Variants in ZNF12 observed in about 807,000 individuals in gnomAD.
ZNF12 encodes zinc finger protein 12.
ZNF12 carries 34 observed loss-of-function variants against 66.6 expected under a neutral mutation model. That is an observed-to-expected ratio of 0.51 (90% CI 0.39 to 0.68). The LOEUF (loss-of-function observed/expected upper bound fraction) is 0.68. Among genes scored for constraint, ZNF12 ranks in the 30% least tolerant of loss-of-function variants. The pLI is 0.00. For missense variants in ZNF12, 697 were observed against 826.9 expected (o/e 0.84, Z 1.93); for synonymous variants, 320 against 278.9 (o/e 1.15, Z -1.47).
intron 2 of ZNF12, among the ~76,000 whole-genome samples, chr7:6,700,239 C>T (rs1278475783): frequency 5.4e-5 from 8 of 148,646 alleles, no homozygotes; most frequent in East Asian, 2.0e-4. Flanking sequence ...GAGCCGAGAT[C>T]GAGCCACTGT....
chr7:6,701,938 G>T (rs1226596755), intron 2 of ZNF12, among the ~76,000 whole-genome samples: 22 of 136,482 alleles, frequency 1.6e-4, no homozygotes, highest in Non-Finnish European at 9.1e-5. Context: ...TTTTCCTTTA[G>T]GGCAAAATTT....
At position 6,706,429 on chromosome 7, in the gene ZNF12, T is replaced by C. The variant is rs982374504; in HGVS notation, c.-51+3A>G. On this transcript the variant is annotated splice_donor_region_variant and intron_variant, in intron 1 of 4. Transcript: ENST00000405858. ...GCCCCGGGCCCGCAAACCCACGACT[T>C]ACCCTCCTGGGGCTCCGCAGCCTCT... The C allele has an allele frequency of 1.1e-5, 5 of 475,422 alleles. No individual in the cohort carries two copies. Among genetic ancestry groups the C allele is most frequent in the Non-Finnish European group, 1.7e-5 (4 of 238,956 alleles). The allele number at this position is 475,422 out of a possible 1,614,324, so 29.5% of individuals were successfully genotyped here.
chr7:6,690,909 C>T lies in ZNF12; in HGVS notation c.2033G>A (p.Ser678Asn). The change falls in exon 5 of 5, where the codon AGC becomes AAC. Residue 678 changes from serine (S) to asparagine (N), a missense_variant. By Grantham distance (46) the Ser-to-Asn change is conservative (BLOSUM62 1). Around this residue, in one of 3 missense-constraint regions of ZNF12, gnomAD observed 401 missense variants for 519.0 expected, o/e 0.77. Transcript: ENST00000405858. ...GCCTCTCCTATGAATTCTCTGATGGCTGTTGAATGCTGATTTGTGGTAGAA... is the reference window on the plus strand; with the variant it reads ...GCCTCTCCTATGAATTCTCTGATGGTTGTTGAATGCTGATTTGTGGTAGAA... The part of the protein sequence containing the change: ...KKFYHKSAFN[S>N]HQRIHRRGNM... The T allele has an allele frequency of 6.2e-7, 1 of 1,613,992 alleles. No individual in the cohort carries two copies. Among genetic ancestry groups the T allele is most frequent in the Non-Finnish European group, 8.5e-7 (1 of 1,179,928 alleles).
rs762310934 is a variant in ZNF12, at chr7:6,706,465, T to C, written c.-84A>G. 4.2e-6 allele frequency: 2 copies of C among 478,114 alleles called. No individual in the cohort carries two copies. The highest frequency in any genetic ancestry group is 8.3e-6 in the Non-Finnish European group (2 of 240,500). 29.6% of individuals were successfully genotyped at this position (478,114 alleles called of 1,614,324 possible). ...GGCTCCGCAGCCTCTGCCCCACCGCTCCCGACAGGCCGGGGCGGGATTGCT... is the reference window on the plus strand; with the variant it reads ...GGCTCCGCAGCCTCTGCCCCACCGCCCCCGACAGGCCGGGGCGGGATTGCT... On this transcript the variant is annotated 5_prime_UTR_variant, in exon 1 of 5. Coordinates refer to ENST00000405858, the MANE Select transcript of ZNF12 (RefSeq NM_016265.4).
At chr7:6,702,032 T>C (rs1780252613) in intron 2 of ZNF12, among the ~76,000 whole-genome samples, 1 of 151,820 alleles carries the variant, frequency 6.6e-6, no homozygotes, top group South Asian at 2.1e-4. Context: ...CAATCAGGAT[T>C]TCCCTTACAG....
rs376090844 is a variant in ZNF12, at chr7:6,701,819, C to G, written c.15+3340G>C. Among the ~76,000 whole-genome samples the G allele has an allele frequency of 1.2e-3, 179 of 152,234 alleles. No individual in the cohort carries two copies. In the South Asian group the frequency reaches 0.013, roughly 11 times the overall value. ...CTCACTCCATGGGCAACAACTATTT[C>G]TCATTCTCGACAGAATCACCCCACT... On this transcript the variant is annotated intron_variant, in intron 2 of 4. Transcript: ENST00000405858.
intron 2 of ZNF12, chr7:6,704,422 T>C (rs1297714702): frequency 1.3e-5 from 2 of 151,044 alleles, no homozygotes; most frequent in African/African-American, 4.9e-5. Context: ...GAGACAACAA[T>C]GTTTTAGTTA....
At position 6,703,004 on chromosome 7, in the gene ZNF12, AT is replaced by A. The variant is rs1193492121; in HGVS notation, c.15+2154del. Among the ~76,000 whole-genome samples, 3 of 142,100 alleles carry A rather than the reference AT, an allele frequency of 2.1e-5. No homozygotes were observed. In the South Asian group the frequency reaches 6.8e-4, roughly 32 times the overall value. The allele number at this position is 142,100 out of a possible 152,430, so 93.2% of individuals were successfully genotyped here. A position where few individuals can be genotyped will look rare whatever the true frequency, so the allele number is the denominator to read the frequency against. On this transcript the variant is annotated intron_variant, in intron 2 of 4. Transcript: ENST00000405858. ...ACCTGCCTTCTTGATGCTGCCACTCATTGCATACTAACACAGCTAACACAGC... is the reference window on the plus strand; with the variant it reads ...ACCTGCCTTCTTGATGCTGCCACTCATGCATACTAACACAGCTAACACAGC...
rs1390180716 is a variant in ZNF12, at chr7:6,696,299, C to T, written c.238+1040G>A. Among the ~76,000 whole-genome samples the T allele has an allele frequency of 6.6e-6, 1 of 151,126 alleles. No individual in the cohort carries two copies. The highest frequency in any genetic ancestry group is 1.5e-5 in the Non-Finnish European group (1 of 67,508). ...TCTGATGAGAATTTCAGTGGTTTCA[C>T]AGGGACCACTATAGAAGAAGAAGAG... On this transcript the variant is annotated intron_variant, in intron 4 of 4. Transcript: ENST00000405858. The surrounding 1 kb of genome is among the most constrained non-coding windows in gnomAD (Gnocchi z 4.0).
At position 6,697,344 on chromosome 7, in the gene ZNF12, T is replaced by C; in HGVS notation, c.233A>G (p.Tyr78Cys). 6.2e-7 allele frequency: 1 copy of C among 1,606,650 alleles called. No homozygotes were observed. The highest frequency in any genetic ancestry group is 8.5e-7 in the Non-Finnish European group (1 of 1,176,360). ...IVEGEFLLQSYPDEVWQTDDL... is the reference protein window; with the variant it reads ...IVEGEFLLQSCPDEVWQTDDL... ...CACTGCCTCCACTAACACACCTGGATAGCTCTGAAGTAGGAATTCTCCTTC... is the reference window on the plus strand; with the variant it reads ...CACTGCCTCCACTAACACACCTGGACAGCTCTGAAGTAGGAATTCTCCTTC... The change falls in exon 4 of 5, where the codon TAT (tyrosine) becomes TGT (cysteine). Residue 78 changes from tyrosine to cysteine, a missense_variant. Physicochemically the swap from Tyr to Cys is radical, Grantham distance 194 (BLOSUM62 -2). Transcript: ENST00000405858. The surrounding 1 kb of genome is among the most constrained non-coding windows in gnomAD (Gnocchi z 6.1).
chr7:6,698,882 A>C lies in ZNF12; in HGVS notation c.16-1071T>G, dbSNP rs374554108. Among the ~76,000 whole-genome samples, 1 of 152,210 alleles carries C rather than the reference A, an allele frequency of 6.6e-6. No individual in the cohort carries two copies. The highest frequency in any genetic ancestry group is 2.4e-5 in the African/African-American group (1 of 41,462). On this transcript the variant is annotated intron_variant, in intron 2 of 4. Coordinates refer to ENST00000405858, the MANE Select transcript of ZNF12 (RefSeq NM_016265.4). The surrounding 1 kb of genome is among the most constrained non-coding windows in gnomAD (Gnocchi z 4.4). ...CTTTAATATCATCCCCTCTAAAATA[A>C]AGAGAATAATGCTACCTATACATAA...
Position 6,697,908 on chromosome 7 carries a change from T to C in ZNF12, c.16-97A>G, listed in dbSNP as rs1562600504. On this transcript the variant is annotated intron_variant, in intron 2 of 4. Transcript: ENST00000405858. This position sits in a 1 kb window ranked among gnomAD's most constrained non-coding sequence, Gnocchi z 6.1. ...CTGGCAAAATTAACCATGAACACTG[T>C]ATACCTTTATTTTATGTTACAGACT... is the stretch of plus-strand genomic sequence containing the variant. 4.6e-6 allele frequency: 6 copies of C among 1,304,880 alleles called. No individual in the cohort carries two copies. Among genetic ancestry groups the C allele is most frequent in the Non-Finnish European group, 6.6e-6 (6 of 903,278 alleles). 80.8% of individuals were successfully genotyped at this position (1,304,880 alleles called of 1,614,324 possible).
Position 6,697,196 on chromosome 7 carries a change from A to C in ZNF12, c.238+143T>G, listed in dbSNP as rs959079128. 2.7e-5 allele frequency: 15 copies of C among 548,326 alleles called. No homozygotes were observed. Among genetic ancestry groups the C allele is most frequent in the Non-Finnish European group, 4.4e-5 (14 of 320,808 alleles). 34.0% of individuals were successfully genotyped at this position (548,326 alleles called of 1,614,324 possible). On this transcript the variant is annotated intron_variant, in intron 4 of 4. Transcript: ENST00000405858. The surrounding 1 kb of genome is among the most constrained non-coding windows in gnomAD (Gnocchi z 6.1). ...AAACATAAGTTCTTACGGGGAAGGA[A>C]GAAGTCTTTGGGAGTGAGATTCAGG...
intron 2 of ZNF12, among the ~76,000 whole-genome samples, chr7:6,702,082 T>G (rs1780253355): frequency 6.6e-6 from 1 of 152,076 alleles, no homozygotes. Context: ...TGACCTCCCC[T>G]GAGCTAAATC....
rs118191125 is a variant in ZNF12, at chr7:6,705,114, T to C, written c.15+45A>G. Reference sequence around the variant, plus strand: ...ACCCTTAATCTCCTCCTAAGGTGTATTGTAAATCAGAGTAGAGAATAAATA... The same window carrying C: ...ACCCTTAATCTCCTCCTAAGGTGTACTGTAAATCAGAGTAGAGAATAAATA... On this transcript the variant is annotated intron_variant, in intron 2 of 4. Coordinates refer to ENST00000405858, the MANE Select transcript of ZNF12 (RefSeq NM_016265.4). This position sits in a 1 kb window ranked among gnomAD's most constrained non-coding sequence, Gnocchi z 4.0. 440 of 1,607,068 alleles carry C rather than the reference T, an allele frequency of 2.7e-4. 1 individual carries two copies. The Admixed American group carries it at 3.5e-3, about 13-fold the overall frequency.
At position 6,706,785 on chromosome 7, in the gene ZNF12, G is replaced by A. The variant is rs947660712; in HGVS notation, c.-404C>T. The A allele has an allele frequency of 4.4e-5, 11 of 249,902 alleles. No individual in the cohort carries two copies. The highest frequency in any genetic ancestry group is 7.9e-5 in the Non-Finnish European group (10 of 126,846). 15.5% of individuals were successfully genotyped at this position (249,902 alleles called of 1,614,324 possible). A position where few individuals can be genotyped will look rare whatever the true frequency, so the allele number is the denominator to read the frequency against. On this transcript the variant is annotated 5_prime_UTR_variant, in exon 1 of 5. Transcript: ENST00000405858. Reference sequence around the variant, plus strand: ...CCGGGGGTCGTGCTCGGGGATCCCCGCTTGAGCCTCCGCCTGGCCCGCACA... The same window carrying A: ...CCGGGGGTCGTGCTCGGGGATCCCCACTTGAGCCTCCGCCTGGCCCGCACA...
intron 2 of ZNF12, chr7:6,704,323 AAAAAG>A (rs1780311087): frequency 6.6e-6 from 1 of 151,490 alleles, no homozygotes; most frequent in Non-Finnish European, 1.5e-5. Flanking sequence ...TTTAAAAAAA[AAAAAG>A]AAAAGAAAAT....
In ZNF12 at chr7:6,705,342, C is replaced by G; in HGVS notation, c.-50-119G>C. The G allele has an allele frequency of 1.5e-6, 1 of 684,898 alleles. No individual in the cohort carries two copies. The allele number at this position is 684,898 out of a possible 1,614,324, so 42.4% of individuals were successfully genotyped here. A position where few individuals can be genotyped will look rare whatever the true frequency, so the allele number is the denominator to read the frequency against. ...AAGTACATCTTGTGGGAGACTGTCCCTTTAAGCCTTCAGAAGGGATTGGAA... is the reference window on the plus strand; with the variant it reads ...AAGTACATCTTGTGGGAGACTGTCCGTTTAAGCCTTCAGAAGGGATTGGAA... On this transcript the variant is annotated intron_variant, in intron 1 of 4. Coordinates refer to ENST00000405858, the MANE Select transcript of ZNF12 (RefSeq NM_016265.4). The surrounding 1 kb of genome is among the most constrained non-coding windows in gnomAD (Gnocchi z 4.0).
At chr7:6,701,460 C>T (rs1780241722) in intron 2 of ZNF12, among the ~76,000 whole-genome samples, 1 of 152,190 alleles carries the variant, frequency 6.6e-6, no homozygotes, top group Non-Finnish European at 1.5e-5. Flanking sequence ...GGCTGCTGCT[C>T]TAATCGCTTT....
Sources: allele counts gnomAD v4.1 joint callset (sites outside exome capture counted in the v4.1 genomes callset), GRCh38; gene constraint gnomAD v4.1.1; regional missense constraint gnomAD v4.1.1; non-coding constraint Gnocchi (gnomAD v3.1); transcripts MANE v1.5; gene names NCBI Gene and HGNC (gene_info 2026-07-23, HGNC 2026-07-21).